Variants in HP1BP3 observed in about 807,000 individuals in gnomAD.
HP1BP3 encodes the protein heterochromatin protein 1 binding protein 3.
HP1BP3 carries 12 observed loss-of-function variants against 62.5 expected under a neutral mutation model. The observed-to-expected ratio is 0.19, with a 90% CI of 0.12 to 0.31. HP1BP3 has a LOEUF of 0.31. Among genes scored for constraint, HP1BP3 ranks in the 10% least tolerant of loss-of-function variants. The pLI, the probability that HP1BP3 is intolerant of heterozygous loss-of-function variation, is 1.00. For missense variants in HP1BP3, 502 were observed against 651.8 expected (o/e 0.77, Z 2.50); for synonymous variants, 260 against 237.8 (o/e 1.09, Z -0.86).
intron 4 of HP1BP3, chr1:20,775,894 G>T (rs868690083): frequency 1.4e-6 from 2 of 1,414,778 alleles, no homozygotes; most frequent in Non-Finnish European, 1.9e-6. Flanking sequence ...GCCTAAAGAT[G>T]TATCTCTCAG....
At chr1:20,745,177 C>T (rs577302114) in intron 12 of HP1BP3, 86 bp from the exon 13 acceptor site, 41 of 1,447,600 alleles carry the variant, frequency 2.8e-5, no homozygotes, top group East Asian at 1.1e-4. Flanking sequence ...TAAAGAGAAA[C>T]GGCATATGAA....
At chr1:20,786,951 C>G (rs989786837) in intron 1 of HP1BP3, among the ~76,000 whole-genome samples, 1 of 151,968 alleles carries the variant, frequency 6.6e-6, no homozygotes, top group African/African-American at 2.4e-5. Flanking sequence ...GCGCGCGCGC[C>G]GGAGGGCCCC....
intron 6 of HP1BP3, among the ~76,000 whole-genome samples, chr1:20,769,800 C>A (rs1391334684): frequency 5.3e-5 from 8 of 152,202 alleles, no homozygotes; most frequent in African/African-American, 1.9e-4. Flanking sequence ...TATTCACTAA[C>A]AGACCTCCAG....
chr1:20,776,678 G>A lies in HP1BP3; in HGVS notation c.269C>T (p.Ser90Leu), dbSNP rs1202063267. The part of the protein sequence containing the change: ...EQENETPPAT[S>L]SEAEQPKGEP... ...CCCCTTTGGCTGCTCTGCCTCACTC[G>A]AAGTAGCAGGTGGAGTTTCATTCTC... Residue 90 changes from serine to leucine, a missense_variant, in exon 4 of 13, where the codon TCG (serine) becomes TTG (leucine). By Grantham distance (145) the Ser-to-Leu change is moderately radical (BLOSUM62 -2). This residue lies in a region of HP1BP3 where 165 missense variants were observed against 156.4 expected (regional missense o/e 1.05). Coordinates refer to ENST00000438032, the MANE Select transcript of HP1BP3 (RefSeq NM_001372052.1). The A allele has an allele frequency of 2.5e-6, 4 of 1,613,676 alleles. No homozygotes were observed. Among genetic ancestry groups the A allele is most frequent in the Admixed American group, 1.7e-5 (1 of 59,986 alleles).
At chr1:20,772,919 G>A (rs1387744101) in intron 5 of HP1BP3, among the ~76,000 whole-genome samples, 4 of 152,184 alleles carry the variant, frequency 2.6e-5, no homozygotes. Context: ...ATTTTGGAAT[G>A]TCTAGGTAAT....
At chr1:20,758,635 C>G (rs907495969) in intron 8 of HP1BP3, among the ~76,000 whole-genome samples, 2 of 147,416 alleles carry the variant, frequency 1.4e-5, no homozygotes, top group Admixed American at 6.7e-5. Flanking sequence ...TGTGAGCCAC[C>G]ACACCTGGCC....
At chr1:20,746,996 A>G (rs142446281) in intron 11 of HP1BP3, among the ~76,000 whole-genome samples, 472 of 152,332 alleles carry the variant, frequency 3.1e-3, no homozygotes, top group African/African-American at 0.011. Context: ...CCTGGGCGAT[A>G]GAGTGAGACC....
chr1:20,760,010 T>C (rs531632264), intron 8 of HP1BP3, among the ~76,000 whole-genome samples: 4 of 150,168 alleles, frequency 2.7e-5, no homozygotes, highest in Non-Finnish European at 4.4e-5. Context: ...TGCCTCAGCC[T>C]CCTGAGTAGC....
At chr1:20,755,348 A>T (rs2154539986) in intron 9 of HP1BP3, 2 of 453,934 alleles carry the variant, frequency 4.4e-6, no homozygotes, top group South Asian at 3.1e-5. Flanking sequence ...CAGGCAGACT[A>T]CTTCACTGAA....
intron 11 of HP1BP3, among the ~76,000 whole-genome samples, chr1:20,746,186 A>ATATGTGTGTG (rs1286650893): frequency 0.017 from 2,438 of 143,158 alleles, 46 homozygotes; most frequent in East Asian, 0.045. Flanking sequence ...ACATACATAT[A>ATATGTGTGTG]TGTGTGTGTG....
At position 20,787,256 on chromosome 1, in the gene HP1BP3, GCCGCTAGTCGCCTCCGCCA is replaced by G. The variant is rs1045849000; in HGVS notation, c.-181_-163del. ...ACGGCCTCTCGGCGCCGCTCCCGCC[GCCGCTAGTCGCCTCCGCCA>G]CCGCTGTCCTCCAGTCCCAGCCGCC... is the stretch of plus-strand genomic sequence containing the variant. On this transcript the variant is annotated 5_prime_UTR_variant, in exon 1 of 13. Transcript: ENST00000438032. The G allele has an allele frequency of 2.1e-4, 32 of 152,062 alleles. No individual in the cohort carries two copies. The highest frequency in any genetic ancestry group is 6.1e-4 in the African/African-American group (25 of 41,256). The allele number at this position is 152,062 out of a possible 1,614,324, so 9.4% of individuals were successfully genotyped here. A position where few individuals can be genotyped will look rare whatever the true frequency, so the allele number is the denominator to read the frequency against.
At chr1:20,776,249 A>C in intron 4 of HP1BP3, 1 of 443,526 alleles carries the variant, frequency 2.3e-6, no homozygotes, top group East Asian at 3.5e-5. Flanking sequence ...AAATAGTGAA[A>C]TGTCTTCTAG....
At position 20,776,631 on chromosome 1, in the gene HP1BP3, C is replaced by T. The variant is rs751464342; in HGVS notation, c.316G>A (p.Glu106Lys). ...GTTTCCTCAGAAGACTTATTTTCTT[C>T]CTTCTCTTCATTCTCAGGTTCCCCC... ...PKGEPENEEKEENKSSEETKK... is the reference protein window; with the variant it reads ...PKGEPENEEKKENKSSEETKK... The change falls in exon 4 of 13, where the codon GAA (glutamate) becomes AAA (lysine). Residue 106 changes from glutamate (E) to lysine (K), a missense_variant. Physicochemically the swap from Glu to Lys is moderately conservative, Grantham distance 56. This residue lies in a region of HP1BP3 where 165 missense variants were observed against 156.4 expected (regional missense o/e 1.05). Transcript: ENST00000438032. 6.2e-7 allele frequency: 1 copy of T among 1,613,266 alleles called. No individual in the cohort carries two copies. The highest frequency in any genetic ancestry group is 8.5e-7 in the Non-Finnish European group (1 of 1,179,718).
intron 1 of HP1BP3, among the ~76,000 whole-genome samples, chr1:20,781,581 G>GT (rs771300315): frequency 2.6e-4 from 39 of 152,262 alleles, no homozygotes; most frequent in Non-Finnish European, 4.3e-4. Context: ...TCAGTGCAGT[G>GT]TAACACACTC....
chr1:20,742,552 T>C lies in HP1BP3; in HGVS notation c.*2245A>G, dbSNP rs2055111461. 1 of 152,536 alleles carries C rather than the reference T, an allele frequency of 6.6e-6. No individual in the cohort carries two copies. The allele number at this position is 152,536 out of a possible 1,614,324, so 9.4% of individuals were successfully genotyped here. A position where few individuals can be genotyped will look rare whatever the true frequency, so the allele number is the denominator to read the frequency against. ...ATTCCAAAACACATGAACTGGAGCT[T>C]GTATTTAAAAAGGAAAATGATGGTG... is the stretch of plus-strand genomic sequence containing the variant. On this transcript the variant is annotated 3_prime_UTR_variant, in exon 13 of 13. Coordinates refer to ENST00000438032, the MANE Select transcript of HP1BP3 (RefSeq NM_001372052.1).
intron 5 of HP1BP3, among the ~76,000 whole-genome samples, chr1:20,772,540 G>C (rs1005237226): frequency 6.6e-6 from 1 of 152,092 alleles, no homozygotes; most frequent in Admixed American, 6.5e-5. Context: ...AAGGAGTAAA[G>C]GGAGAAGTCT....
At chr1:20,756,589 G>A (rs1380588243) in intron 9 of HP1BP3, among the ~76,000 whole-genome samples, 2 of 152,076 alleles carry the variant, frequency 1.3e-5, no homozygotes, top group East Asian at 1.9e-4. Flanking sequence ...GCCGGGAGGT[G>A]GCAGGGGGAG....
intron 10 of HP1BP3, among the ~76,000 whole-genome samples, chr1:20,749,239 ATTAT>A (rs2055548605): frequency 2.0e-5 from 3 of 147,454 alleles, no homozygotes; most frequent in Non-Finnish European, 4.6e-5. Flanking sequence ...TTCAGTTTTG[ATTAT>A]TTGTTTTTCT....
At chr1:20,751,422 T>A (rs76505777) in intron 9 of HP1BP3, among the ~76,000 whole-genome samples, 3,858 of 152,028 alleles carry the variant, frequency 0.025, 106 homozygotes, top group East Asian at 0.095. Context: ...AGTGAAAAAT[T>A]TTGATAAATA....
Sources: gnomAD v4.1 joint callset for allele counts (sites outside exome capture counted in the v4.1 genomes callset) on GRCh38, gnomAD v4.1.1 for gene constraint, gnomAD v4.1.1 regional missense constraint, MANE v1.5 for transcripts, NCBI Gene and HGNC (gene_info 2026-07-23, HGNC 2026-07-21) for gene names.